Variants in ASAP1 observed in about 807,000 individuals in gnomAD.
The protein encoded by ASAP1 is arf-GAP with SH3 domain, ANK repeat and PH domain-containing protein 1.
In ASAP1, 43 loss-of-function variants were observed where a neutral mutation model predicts 145.2. That is an observed-to-expected ratio of 0.30 (90% confidence interval 0.23 to 0.38). The LOEUF (loss-of-function observed/expected upper bound fraction) is 0.38. Ranked by LOEUF, ASAP1 falls within the 10% of genes least tolerant of loss-of-function variation. The pLI is 1.00. For synonymous variants in ASAP1, 546 were observed against 515.5 expected, an observed-to-expected ratio of 1.06 and a Z score of -0.80; for missense variants, 1,018 against 1,355.3, an observed-to-expected ratio of 0.75 and a Z score of 3.91.
chr8:130,381,568 T>C (rs1027734431), intron 2 of ASAP1, among the ~76,000 whole-genome samples: 2 of 152,214 alleles, frequency 1.3e-5, no homozygotes, highest in African/African-American at 2.4e-5. Context: ...TGGAGAATTG[T>C]GCACCTAAGG....
chr8:130,122,085 C>T (rs1592851091), intron 18 of ASAP1, among the ~76,000 whole-genome samples: 1 of 152,152 alleles, frequency 6.6e-6, no homozygotes, highest in African/African-American at 2.4e-5. Flanking sequence ...GGGAGGGTGC[C>T]TTCATGCCCC....
chr8:130,089,272 T>A (rs926429542), intron 25 of ASAP1, among the ~76,000 whole-genome samples: 1 of 152,114 alleles, frequency 6.6e-6, no homozygotes, highest in Non-Finnish European at 1.5e-5. Flanking sequence ...AAGGCTCAGA[T>A]CTGAGAGAAA....
In ASAP1 at chr8:130,089,355, G is replaced by A. The variant is rs559013730; in HGVS notation, c.2572+2618C>T. Among the ~76,000 whole-genome samples, 65 of 152,294 alleles carry A rather than the reference G, an allele frequency of 4.3e-4. 2 individuals are homozygous for A. The South Asian group carries it at 0.013, about 31-fold the overall frequency. ...TTCAGCTTTGGGGGTGGAGAGGTAA[G>A]GCCTGGTGAGAGCTAAGGGGCTGTT... On this transcript the variant is annotated intron_variant, in intron 25 of 29. Coordinates refer to ENST00000518721, the MANE Select transcript of ASAP1 (RefSeq NM_018482.4).
intron 27 of ASAP1, among the ~76,000 whole-genome samples, chr8:130,070,838 AGGGAGAGAGGGAGAGAGAGGGAGAGAGG>A (rs2097441951): frequency 8.8e-5 from 1 of 11,410 alleles, no homozygotes; most frequent in Non-Finnish European, 1.4e-4. Flanking sequence ...AGGGAGAGAG[AGGGAGAGAGGGAGAGAGAGGGAGAGAGG>A]GAGAGAGAGG....
intron 3 of ASAP1, among the ~76,000 whole-genome samples, chr8:130,276,728 A>ACACACACACTCTCTCTCTCTCTCTCT (rs548512902): frequency 1.1e-5 from 1 of 87,314 alleles, no homozygotes; most frequent in East Asian, 4.9e-4. Context: ...ACACACACAC[A>ACACACACACTCTCTCTCTCTCTCTCT]CTCTCTCTCT....
intron 5 of ASAP1, among the ~76,000 whole-genome samples, chr8:130,197,262 C>T (rs1004277100): frequency 2.0e-5 from 3 of 152,214 alleles, no homozygotes; most frequent in Non-Finnish European, 4.4e-5. Context: ...ACCCTCATCT[C>T]TACAAAAAAA....
In ASAP1 at chr8:130,358,709, TCCCTCCCCGCC is replaced by T. The variant is rs1826523604; in HGVS notation, c.60-577_60-567del. On this transcript the variant is annotated intron_variant, in intron 2 of 29. Transcript: ENST00000518721. The surrounding 1 kb of genome is among the most constrained non-coding windows in gnomAD (Gnocchi z 4.1). The stretch of plus-strand genomic sequence containing the variant: ...GCCGCCCCCAGCCCCGCCCCCCCGG[TCCCTCCCCGCC>T]CGCGCCCCGCCCCCGGCCCGGCCCC... 4.0e-5 allele frequency among the ~76,000 whole-genome samples: 2 copies of T among 49,806 alleles called. No individual in the cohort carries two copies. Among genetic ancestry groups the T allele is most frequent in the South Asian group, 1.8e-3 (2 of 1,098 alleles). 32.7% of individuals were successfully genotyped at this position (49,806 alleles called of 152,430 possible). A position where few individuals can be genotyped will look rare whatever the true frequency, so the allele number is the denominator to read the frequency against.
chr8:130,244,267 T>G (rs1165099407), intron 3 of ASAP1, among the ~76,000 whole-genome samples: 1 of 152,166 alleles, frequency 6.6e-6, no homozygotes. Context: ...TGAGGACCTG[T>G]TGGTGGTTTC....
intron 2 of ASAP1, among the ~76,000 whole-genome samples, chr8:130,381,547 C>A (rs1160620060): frequency 7.6e-6 from 1 of 131,516 alleles, no homozygotes; most frequent in Non-Finnish European, 1.6e-5. Context: ...AGTTTGAGCA[C>A]CAAAAGAGAA....
At chr8:130,314,653 CACCTGCAAGGTGGGG>C in intron 3 of ASAP1, among the ~76,000 whole-genome samples, 1 of 152,354 alleles carries the variant, frequency 6.6e-6, no homozygotes, top group East Asian at 1.9e-4. Flanking sequence ...TTCCCAGTGG[CACCTGCAAGGTGGGG>C]ACCTGCAAAA....
chr8:130,134,917 A>T (rs898858096), intron 14 of ASAP1, among the ~76,000 whole-genome samples: 1 of 152,172 alleles, frequency 6.6e-6, no homozygotes, highest in Non-Finnish European at 1.5e-5. Flanking sequence ...GGTAGCCCCA[A>T]CACCCCCAAC....
chr8:130,376,170 T>C (rs953442531), intron 2 of ASAP1, among the ~76,000 whole-genome samples: 6 of 152,224 alleles, frequency 3.9e-5, no homozygotes, highest in African/African-American at 1.4e-4. Flanking sequence ...TACTTTCCAT[T>C]TGGAAGCACA....
chr8:130,073,693 A>G (rs2097455365), intron 27 of ASAP1, among the ~76,000 whole-genome samples: 1 of 152,212 alleles, frequency 6.6e-6, no homozygotes, highest in Non-Finnish European at 1.5e-5. Context: ...ACAGGGCTGA[A>G]GCTTAACCGC....
chr8:130,283,417 A>C (rs1821374616), intron 3 of ASAP1, among the ~76,000 whole-genome samples: 1 of 152,036 alleles, frequency 6.6e-6, no homozygotes, highest in African/African-American at 2.4e-5. Context: ...GTCTCTACTA[A>C]AAATACAAAA....
intron 4 of ASAP1, among the ~76,000 whole-genome samples, chr8:130,235,870 A>G (rs1267537570): frequency 6.6e-6 from 1 of 152,136 alleles, no homozygotes; most frequent in Non-Finnish European, 1.5e-5. Context: ...ATTCAGCTCA[A>G]TAATTTCATG....
intron 3 of ASAP1, among the ~76,000 whole-genome samples, chr8:130,258,440 T>C (rs1819697894): frequency 6.6e-6 from 1 of 152,208 alleles, no homozygotes; most frequent in African/African-American, 2.4e-5. Context: ...TTCACTAAAC[T>C]TCCTCCACCC....
At chr8:130,257,611 T>C (rs1819637501) in intron 3 of ASAP1, among the ~76,000 whole-genome samples, 3 of 152,306 alleles carry the variant, frequency 2.0e-5, no homozygotes, top group East Asian at 1.9e-4. Flanking sequence ...ACTAGCCCAA[T>C]TAATGCTGTT....
At chr8:130,229,423 A>C (rs1192090796) in intron 4 of ASAP1, among the ~76,000 whole-genome samples, 1 of 152,240 alleles carries the variant, frequency 6.6e-6, no homozygotes, top group Non-Finnish European at 1.5e-5. Flanking sequence ...TAAACCATTT[A>C]AGAATGAGGA....
At chr8:130,334,292 T>C (rs920355427) in intron 3 of ASAP1, among the ~76,000 whole-genome samples, 13 of 152,208 alleles carry the variant, frequency 8.5e-5, no homozygotes, top group Admixed American at 2.6e-4. Flanking sequence ...ACATCAAATA[T>C]GTTCCTTGGG....
Sources: allele counts gnomAD v4.1 joint callset (sites outside exome capture counted in the v4.1 genomes callset), GRCh38; gene constraint gnomAD v4.1.1; non-coding constraint Gnocchi (gnomAD v3.1); transcripts MANE v1.5; gene names NCBI Gene and HGNC (gene_info 2026-07-23, HGNC 2026-07-21).